The following PSPC1 variants were observed in gnomAD, a reference collection of about 807,000 sequenced individuals.
PSPC1 encodes the protein paraspeckle component 1, also known as paraspeckle protein 1.
In PSPC1, 14 loss-of-function variants were observed where a neutral mutation model predicts 51.6. The observed-to-expected ratio is 0.27, with a 90% CI of 0.18 to 0.42. PSPC1 has a LOEUF of 0.42. Among genes scored for constraint, PSPC1 ranks in the 10% least tolerant of loss-of-function variants. PSPC1 has a pLI of 1.00. For missense variants in PSPC1, 406 were observed against 701.1 expected, an observed-to-expected ratio of 0.58 and a Z score of 4.75; for synonymous variants, 193 against 231.9, an observed-to-expected ratio of 0.83 and a Z score of 1.53.
chr13:19,746,493 G>C (rs1409982909), intron 4 of PSPC1, among the ~76,000 whole-genome samples: 1 of 152,138 alleles, frequency 6.6e-6, no homozygotes. Context: ...GGGAGGCTGA[G>C]GCGGGCAGAT....
chr13:19,686,922 C>G (rs543775607), intron 6 of PSPC1, among the ~76,000 whole-genome samples: 2 of 152,048 alleles, frequency 1.3e-5, no homozygotes, highest in African/African-American at 4.8e-5. Context: ...TAGGGGTGGG[C>G]GCGGTGGCTC....
At chr13:19,700,637 C>A (rs767255848), downstream of PSPC1, among the ~76,000 whole-genome samples, 23 of 151,938 alleles carry the variant, frequency 1.5e-4, no homozygotes, top group Non-Finnish European at 3.2e-4. Context: ...AACAGGTGTT[C>A]CTTTATTTTA....
intron 1 of PSPC1, among the ~76,000 whole-genome samples, chr13:19,778,376 TCC>T (rs1889432833): frequency 7.1e-5 from 2 of 27,974 alleles, no homozygotes; most frequent in Non-Finnish European, 6.4e-5. Flanking sequence ...CCCCTCCCCC[TCC>T]CCCTCCCCCT....
At position 19,695,904 on chromosome 13, in the gene PSPC1, TA is replaced by T. The variant is rs138117319; in HGVS notation, c.1159-18082del. Among the ~76,000 whole-genome samples the T allele has an allele frequency of 6.3e-3, 887 of 141,594 alleles. 5 individuals are homozygous for T. Among genetic ancestry groups the T allele is most frequent in the South Asian group, 0.028 (128 of 4,506 alleles). The allele number at this position is 141,594 out of a possible 152,430, so 92.9% of individuals were successfully genotyped here. A position where few individuals can be genotyped will look rare whatever the true frequency, so the allele number is the denominator to read the frequency against. On this transcript the variant is annotated intron_variant and NMD_transcript_variant, in intron 6 of 7. Coordinates refer to the PSPC1 transcript ENST00000471658. ...ATCAACATATTTTTTTTAGAAGAGATAAAAAAAAAAAGTCTTACTCTCATTA... is the reference window on the plus strand; with the variant it reads ...ATCAACATATTTTTTTTAGAAGAGATAAAAAAAAAAGTCTTACTCTCATTA...
chr13:19,730,007 A>C (rs1883849790), intron 6 of PSPC1, among the ~76,000 whole-genome samples: 1 of 152,150 alleles, frequency 6.6e-6, no homozygotes, highest in Non-Finnish European at 1.5e-5. Context: ...TTAAAGATCA[A>C]CCAAAATAAT....
At chr13:19,748,972 G>A (rs1422029405) in intron 4 of PSPC1, among the ~76,000 whole-genome samples, 1 of 151,948 alleles carries the variant, frequency 6.6e-6, no homozygotes, top group African/African-American at 2.4e-5. Flanking sequence ...CACTATGGGA[G>A]GCCAAGGTGG....
intron 6 of PSPC1, among the ~76,000 whole-genome samples, chr13:19,720,200 C>G (rs1161025142): frequency 1.3e-5 from 2 of 152,036 alleles, no homozygotes; most frequent in East Asian, 3.8e-4. Context: ...AAAATCTTAC[C>G]AAAGTTCACA....
At chr13:19,732,479 G>T (rs915920057) in intron 5 of PSPC1, among the ~76,000 whole-genome samples, 1 of 152,102 alleles carries the variant, frequency 6.6e-6, no homozygotes, top group Non-Finnish European at 1.5e-5. Flanking sequence ...AGTGGGATCT[G>T]GGGCAGCACC....
At chr13:19,762,920 A>C (rs1887725255) in intron 2 of PSPC1, among the ~76,000 whole-genome samples, 2 of 152,114 alleles carry the variant, frequency 1.3e-5, no homozygotes, top group Non-Finnish European at 2.9e-5. Context: ...AGCCTGACCA[A>C]CATGGTGAAA....
At chr13:19,671,855 T>C (rs1214921631), downstream of PSPC1, 3 of 1,614,156 alleles carry the variant, frequency 1.9e-6, no homozygotes, top group Middle Eastern at 1.6e-4. Flanking sequence ...AATAGGTGCA[T>C]ACAGAGTGCA....
chr13:19,692,254 G>T (rs1303124517), intron 6 of PSPC1, among the ~76,000 whole-genome samples: 1 of 152,088 alleles, frequency 6.6e-6, no homozygotes, highest in Admixed American at 6.6e-5. Flanking sequence ...CTCCCGAGTA[G>T]CTGGAACCAC....
chr13:19,696,100 C>T (rs541750579), intron 6 of PSPC1, among the ~76,000 whole-genome samples: 10 of 152,098 alleles, frequency 6.6e-5, no homozygotes, highest in African/African-American at 2.4e-4. Flanking sequence ...ACTGATTGCA[C>T]CTTCTCCAAA....
chr13:19,690,425 T>G lies in PSPC1; in HGVS notation c.1159-12602A>C, dbSNP rs532695774. On this transcript the variant is annotated intron_variant and NMD_transcript_variant, in intron 6 of 7. Transcript: ENST00000471658. The stretch of plus-strand genomic sequence containing the variant: ...TAGCAGTGAACCTCTCCCATTTGTG[T>G]TGGTTCTGGTTTTCTCTTCAATGTA... Among the ~76,000 whole-genome samples, 32 of 152,354 alleles carry G rather than the reference T, an allele frequency of 2.1e-4. 1 individual carries two copies. In the South Asian group the frequency reaches 6.6e-3, roughly 32 times the overall value.
At chr13:19,707,464 A>G (rs572633378) in intron 7 of PSPC1, among the ~76,000 whole-genome samples, 6 of 152,332 alleles carry the variant, frequency 3.9e-5, no homozygotes, top group South Asian at 2.1e-4. Context: ...CTTTCCATCA[A>G]TGTAACTTGA....
At chr13:19,757,414 A>G (rs1887194306) in intron 3 of PSPC1, among the ~76,000 whole-genome samples, 1 of 152,170 alleles carries the variant, frequency 6.6e-6, no homozygotes, top group South Asian at 2.1e-4. Flanking sequence ...CCCAATAGGT[A>G]GAGACTATGC....
At position 19,782,562 on chromosome 13, in the gene PSPC1, C is replaced by T. The variant is rs771230450; in HGVS notation, c.196G>A (p.Asp66Asn). 1 of 1,609,376 alleles carries T rather than the reference C, an allele frequency of 6.2e-7. No homozygotes were observed. The highest frequency in any genetic ancestry group is 2.3e-5 in the East Asian group (1 of 44,174). Residue 66 changes from aspartate (D) to asparagine (N), a missense_variant, in exon 1 of 9, where the codon GAC (aspartate) becomes AAC (asparagine). This residue lies in a region of PSPC1 where 128 missense variants were observed against 107.1 expected (regional missense o/e 1.20). Transcript: ENST00000338910. The surrounding 1 kb of genome is among the most constrained non-coding windows in gnomAD (Gnocchi z 4.5). Reference sequence around the variant, plus strand: ...CCCGGCTTGAGGAAACTCTTGATGTCGATAGTGAACCCCATCTCCTCGTCC... The same window carrying T: ...CCCGGCTTGAGGAAACTCTTGATGTTGATAGTGAACCCCATCTCCTCGTCC... Reference protein sequence around the residue: ...HPDEEMGFTIDIKSFLKPGEK... With the variant: ...HPDEEMGFTINIKSFLKPGEK...
At chr13:19,673,094 T>A, downstream of PSPC1, 2 of 357,024 alleles carry the variant, frequency 5.6e-6, no homozygotes, top group South Asian at 3.3e-5. Flanking sequence ...TACGGTTTTT[T>A]TTTGTTTTTT....
intron 6 of PSPC1, among the ~76,000 whole-genome samples, chr13:19,724,214 C>G (rs1188968780): frequency 6.6e-6 from 1 of 152,202 alleles, no homozygotes; most frequent in East Asian, 1.9e-4. Flanking sequence ...AAAACTGTAA[C>G]TTCTGCTCTG....
chr13:19,703,768 T>A (rs1473169060), intron 8 of PSPC1, among the ~76,000 whole-genome samples: 1 of 152,048 alleles, frequency 6.6e-6, no homozygotes, highest in Non-Finnish European at 1.5e-5. Flanking sequence ...GGGAGCAGCA[T>A]CAATTCGGTT....
Sources: allele counts gnomAD v4.1 joint callset (sites outside exome capture counted in the v4.1 genomes callset), GRCh38; gene constraint gnomAD v4.1.1; regional missense constraint gnomAD v4.1.1; non-coding constraint Gnocchi (gnomAD v3.1); transcripts MANE v1.5; gene names NCBI Gene and HGNC (gene_info 2026-07-23, HGNC 2026-07-21).